Variants in CHRNA3 observed in about 807,000 individuals in gnomAD.
The protein encoded by CHRNA3 is neuronal acetylcholine receptor subunit alpha-3.
CHRNA3 carries 34 observed loss-of-function variants against 41.9 expected under a neutral mutation model. The observed-to-expected ratio is 0.81, with a 90% CI of 0.62 to 1.08. The LOEUF (loss-of-function observed/expected upper bound fraction) is 1.08, where lower values mean the gene tolerates loss of function less well. Ranked by LOEUF, CHRNA3 falls within the 50% of genes least tolerant of loss-of-function variation. The pLI, the probability that CHRNA3 is intolerant of heterozygous loss-of-function variation, is 0.00. For missense variants in CHRNA3, 542 were observed against 638.3 expected, an observed-to-expected ratio of 0.85 and a Z score of 1.63; for synonymous variants, 281 against 265.2, an observed-to-expected ratio of 1.06 and a Z score of -0.58.
intron 4 of CHRNA3, among the ~76,000 whole-genome samples, chr15:78,616,679 C>T (rs1266227003): frequency 1.3e-5 from 2 of 152,120 alleles, no homozygotes; most frequent in Non-Finnish European, 2.9e-5. Flanking sequence ...GACATACTCT[C>T]CTGCCTCCCC....
chr15:78,602,417 C>A (rs3743078), intron 4 of CHRNA3, among the ~76,000 whole-genome samples, 153 bp from the exon 5 acceptor site: 2 of 151,978 alleles, frequency 1.3e-5, no homozygotes, highest in African/African-American at 2.4e-5. Context: ...ATTTCCTGGC[C>A]CCATTTACCA....
chr15:78,619,026 T>G, intron 1 of CHRNA3, 111 bp from the exon 2 acceptor site: 1 of 1,263,228 alleles, frequency 7.9e-7, no homozygotes, highest in Non-Finnish European at 1.1e-6. Flanking sequence ...GTGGGGGGAT[T>G]CTGTGGAACC....
intron 4 of CHRNA3, among the ~76,000 whole-genome samples, chr15:78,607,151 C>T (rs978843494): frequency 6.6e-6 from 1 of 150,712 alleles, no homozygotes; most frequent in Non-Finnish European, 1.5e-5. Flanking sequence ...ATAGCTGGAA[C>T]CCAGGAGGCA....
At chr15:78,616,421 C>T (rs908426259) in intron 4 of CHRNA3, among the ~76,000 whole-genome samples, 3 of 146,626 alleles carry the variant, frequency 2.0e-5, no homozygotes, top group African/African-American at 7.5e-5. Flanking sequence ...AACCCTGGGA[C>T]TACACAGCTT....
intron 4 of CHRNA3, among the ~76,000 whole-genome samples, chr15:78,606,307 CAA>C (rs921523020): frequency 7.0e-5 from 8 of 115,078 alleles, no homozygotes; most frequent in East Asian, 2.3e-4. Context: ...GCCTTGGTAA[CAA>C]GAGCAAAAAA....
At position 78,619,540 on chromosome 15, in the gene CHRNA3, C is replaced by T. The variant is rs371931688; in HGVS notation, c.83-625G>A. On this transcript the variant is annotated intron_variant, in intron 1 of 5. Coordinates refer to ENST00000326828, the MANE Select transcript of CHRNA3 (RefSeq NM_000743.5). ...CGGGAGAACACAGCCCAGGTCTGGGCCTCTCCTGCATTCCACCCTGTAGGG... is the reference window on the plus strand; with the variant it reads ...CGGGAGAACACAGCCCAGGTCTGGGTCTCTCCTGCATTCCACCCTGTAGGG... Among the ~76,000 whole-genome samples, 12 of 152,118 alleles carry T rather than the reference C, an allele frequency of 7.9e-5. No homozygotes were observed. The East Asian group carries it at 1.2e-3, about 15-fold the overall frequency.
At chr15:78,620,444 G>T (rs1350951332) in intron 1 of CHRNA3, among the ~76,000 whole-genome samples, 7 of 150,538 alleles carry the variant, frequency 4.6e-5, no homozygotes, top group African/African-American at 1.7e-4. Context: ...ACCCGGTCTC[G>T]ACCTCCCCAT....
chr15:78,602,299 G>A (rs759334420), intron 4 of CHRNA3, 35 bp from the exon 5 acceptor site: 1 of 1,594,054 alleles, frequency 6.3e-7, no homozygotes, highest in South Asian at 1.1e-5. Context: ...GTGACACACG[G>A]TCATTAACAC....
chr15:78,615,255 G>A (rs2053443398), intron 4 of CHRNA3, among the ~76,000 whole-genome samples: 2 of 152,190 alleles, frequency 1.3e-5, no homozygotes, highest in Admixed American at 1.3e-4. Context: ...TTTCCCAGTG[G>A]GAGGAGGCCT....
chr15:78,605,853 T>C (rs923745978), intron 4 of CHRNA3, among the ~76,000 whole-genome samples: 5 of 152,136 alleles, frequency 3.3e-5, no homozygotes, highest in South Asian at 2.1e-4. Context: ...TGTGCGGTCA[T>C]GTCATGACTG....
At chr15:78,613,863 G>A (rs1277846682) in intron 4 of CHRNA3, among the ~76,000 whole-genome samples, 2 of 151,676 alleles carry the variant, frequency 1.3e-5, no homozygotes, top group African/African-American at 4.8e-5. Context: ...GGAGAATGGC[G>A]TGAACCAGGG....
chr15:78,603,235 G>A (rs764938515), intron 4 of CHRNA3, among the ~76,000 whole-genome samples: 7 of 152,120 alleles, frequency 4.6e-5, no homozygotes, highest in African/African-American at 9.7e-5. Context: ...GGCTGGTCTC[G>A]AACTCCTGAC....
At chr15:78,606,190 G>A (rs558921488) in intron 4 of CHRNA3, among the ~76,000 whole-genome samples, 1 of 152,042 alleles carries the variant, frequency 6.6e-6, no homozygotes, top group South Asian at 2.1e-4. Flanking sequence ...GCTAGGCGTG[G>A]TGGCAGTCAC....
At position 78,595,464 on chromosome 15, in the gene CHRNA3, A is replaced by G. The variant is rs199603832; in HGVS notation, c.*1140T>C. Reference sequence around the variant, plus strand: ...AATTTGTCTAAAGCAATGTTTCTCAACCAGGGGCAATTTTGCTCCTAAGGG... The same window carrying G: ...AATTTGTCTAAAGCAATGTTTCTCAGCCAGGGGCAATTTTGCTCCTAAGGG... On this transcript the variant is annotated 3_prime_UTR_variant, in exon 6 of 6. Coordinates refer to ENST00000326828, the MANE Select transcript of CHRNA3 (RefSeq NM_000743.5). 1.0e-5 allele frequency: 10 copies of G among 974,798 alleles called. No individual in the cohort carries two copies. The African/African-American group carries it at 1.6e-4, about 15-fold the overall frequency. The allele number at this position is 974,798 out of a possible 1,614,324, so 60.4% of individuals were successfully genotyped here.
At chr15:78,593,174 C>A (rs200384194), downstream of CHRNA3, 4 of 1,613,734 alleles carry the variant, frequency 2.5e-6, no homozygotes, top group Non-Finnish European at 3.4e-6. Flanking sequence ...ATTGTTGGAT[C>A]TCTTGGGCTT....
chr15:78,606,731 T>TA lies in CHRNA3; in HGVS notation c.378-4468dup, dbSNP rs200144686. Among the ~76,000 whole-genome samples the TA allele has an allele frequency of 2.7e-3, 412 of 150,286 alleles. 3 individuals carry two copies. In the East Asian group the frequency reaches 0.028, roughly 10 times the overall value. On this transcript the variant is annotated intron_variant, in intron 4 of 5. Coordinates refer to ENST00000326828, the MANE Select transcript of CHRNA3 (RefSeq NM_000743.5). ...TAACACAGTGAAACCCCGTCTCTAC[T>TA]AAAAAAAATACAAAAAAATTAGCCG...
At chr15:78,613,582 AG>A (rs1204000689) in intron 4 of CHRNA3, among the ~76,000 whole-genome samples, 2 of 97,528 alleles carry the variant, frequency 2.1e-5, no homozygotes, top group African/African-American at 7.7e-5. Flanking sequence ...GGGTGGGGGG[AG>A]GGGGGAGAGA....
chr15:78,600,053 CAAAT>C (rs2053173772), intron 5 of CHRNA3: 1 of 149,566 alleles, frequency 6.7e-6, no homozygotes, highest in African/African-American at 2.5e-5. Context: ...AATCAATTAT[CAAAT>C]AAGTCAGTAT....
chr15:78,620,392 C>CGCGGGGCAGGGCGACGGGCAGA, intron 1 of CHRNA3: 3 of 351,688 alleles, frequency 8.5e-6, no homozygotes, highest in Admixed American at 5.3e-5. Context: ...CGACGGGCAG[C>CGCGGGGCAGGGCGACGGGCAGA]GCGGGGACGC....
Sources: gnomAD v4.1 joint callset for allele counts (sites outside exome capture counted in the v4.1 genomes callset) on GRCh38, gnomAD v4.1.1 for gene constraint, MANE v1.5 for transcripts, NCBI Gene and HGNC (gene_info 2026-07-23, HGNC 2026-07-21) for gene names.